ARFGEF2: variants seen among roughly 807,000 people sequenced by gnomAD.
ARFGEF2 encodes ARF guanine nucleotide exchange factor 2.
ARFGEF2 carries 74 observed loss-of-function variants against 219.9 expected under a neutral mutation model. The ratio of observed to expected loss-of-function variants is 0.34; its 90% confidence interval spans 0.28 to 0.41. ARFGEF2 has a LOEUF of 0.41. Among genes scored for constraint, ARFGEF2 ranks in the 10% least tolerant of loss-of-function variants. The pLI, the probability that ARFGEF2 is intolerant of heterozygous loss-of-function variation, is 1.00. For missense variants in ARFGEF2, 1,743 were observed against 2,218.3 expected (o/e 0.79, Z 4.30); for synonymous variants, 733 against 799.2 (o/e 0.92, Z 1.40).
chr20:49,024,594 T>G (rs1307739431), intron 35 of ARFGEF2, among the ~76,000 whole-genome samples: 1 of 152,194 alleles, frequency 6.6e-6, no homozygotes. Flanking sequence ...GTAATGTAAA[T>G]TTTATTACTG....
chr20:49,013,583 G>A lies in ARFGEF2; in HGVS notation c.3938G>A (p.Ser1313Asn), dbSNP rs1197127784. ...TCCTAGGTGCTACAAGAATACACAA[G>A]TGATGACATGAATGTAGCTCCTGGT... ...ERPRVLQEYT[S>N]DDMNVAPGDR... The change falls in exon 29 of 39, where the codon AGT (serine) becomes AAT (asparagine). Residue 1313 changes from serine to asparagine, a missense_variant. By Grantham distance (46) the Ser-to-Asn change is conservative. Around this residue, in one of 5 missense-constraint regions of ARFGEF2, gnomAD observed 578 missense variants for 664.0 expected, o/e 0.87. Transcript: ENST00000371917. The A allele has an allele frequency of 3.1e-6, 5 of 1,614,072 alleles. No homozygotes were observed. In the African/African-American group the frequency reaches 5.3e-5, roughly 17 times the overall value.
chr20:49,002,366 G>C (rs561479059), intron 25 of ARFGEF2, among the ~76,000 whole-genome samples: 1 of 152,268 alleles, frequency 6.6e-6, no homozygotes, highest in East Asian at 1.9e-4. Context: ...TTTTCATCTT[G>C]CAAAACTAAA....
chr20:48,935,616 T>A (rs1446283686), intron 1 of ARFGEF2, among the ~76,000 whole-genome samples: 1 of 152,212 alleles, frequency 6.6e-6, no homozygotes, highest in Non-Finnish European at 1.5e-5. Flanking sequence ...GGGTACACCT[T>A]GCAGACGGGG....
chr20:48,935,887 A>G (rs1431027997), intron 1 of ARFGEF2, among the ~76,000 whole-genome samples: 5 of 89,258 alleles, frequency 5.6e-5, no homozygotes, highest in African/African-American at 2.7e-4. Flanking sequence ...ACTTCCCAGT[A>G]GGGGCGGCCG....
At position 49,018,981 on chromosome 20, in the gene ARFGEF2, A is replaced by G; in HGVS notation, c.4607A>G (p.Lys1536Arg). The G allele has an allele frequency of 6.2e-7, 1 of 1,613,896 alleles. No individual in the cohort carries two copies. The highest frequency in any genetic ancestry group is 8.5e-7 in the Non-Finnish European group (1 of 1,179,804). Residue 1536 changes from lysine (K) to arginine (R), a missense_variant, in exon 34 of 39, where the codon AAG (lysine) becomes AGG (arginine). Lys to Arg is a conservative substitution (Grantham distance 26, BLOSUM62 2). This residue lies in a region of ARFGEF2 where 578 missense variants were observed against 664.0 expected (regional missense o/e 0.87). Coordinates refer to ENST00000371917, the MANE Select transcript of ARFGEF2 (RefSeq NM_006420.3). ...TCTAACCCAACAGATGACAGCTGGA[A>G]GGGTAGACCATACGCAAGTAAGGCC... is the stretch of plus-strand genomic sequence containing the variant. ...QLSNPTDDSW[K>R]GRPYANQKLF...
intron 14 of ARFGEF2, among the ~76,000 whole-genome samples, chr20:48,977,152 C>A (rs1056558665): frequency 5.3e-5 from 8 of 151,654 alleles, no homozygotes; most frequent in African/African-American, 1.7e-4. Flanking sequence ...AGCAGGCCCC[C>A]CTGTGTGTGA....
chr20:48,952,966 G>A (rs2091080675), intron 5 of ARFGEF2, 82 bp downstream of exon 5: 2 of 1,432,594 alleles, frequency 1.4e-6, no homozygotes, highest in Non-Finnish European at 2.0e-6. Context: ...TGCCTGTGAA[G>A]AATCACTAGC....
rs555872321 is a variant in ARFGEF2, at chr20:48,989,776, A to C, written c.2814+92A>C. The C allele has an allele frequency of 2.5e-6, 4 of 1,575,528 alleles. No individual in the cohort carries two copies. The South Asian group carries it at 4.5e-5, about 18-fold the overall frequency. On this transcript the variant is annotated intron_variant, in intron 20 of 38. Coordinates refer to ENST00000371917, the MANE Select transcript of ARFGEF2 (RefSeq NM_006420.3). ...TAGAAATTATCAGAAATTTTCAGTT[A>C]ATCAAGACTCTTAGCAAGCTACTTA...
At chr20:48,969,353 T>C (rs951408785) in intron 9 of ARFGEF2, 76 bp downstream of exon 9, 34 of 1,611,392 alleles carry the variant, frequency 2.1e-5, no homozygotes, top group Non-Finnish European at 2.5e-5. Flanking sequence ...CACACTTCCC[T>C]TGTTCCAAGA....
chr20:48,990,372 A>G (rs1021920485), intron 20 of ARFGEF2, among the ~76,000 whole-genome samples: 2 of 152,230 alleles, frequency 1.3e-5, no homozygotes, highest in Non-Finnish European at 2.9e-5. Context: ...GTTCAATGCA[A>G]TATGAATATG....
Position 48,940,104 on chromosome 20 carries a change from C to T in ARFGEF2, c.122-1095C>T, listed in dbSNP as rs562241928. Among the ~76,000 whole-genome samples, 27 of 152,222 alleles carry T rather than the reference C, an allele frequency of 1.8e-4. 2 individuals are homozygous for T. The highest frequency in any genetic ancestry group is 6.3e-4 in the African/African-American group (26 of 41,526). ...AGGGTGTTTTGTTGTTTTAATGGTACGAAACCTTGTTTTCCTGGAAATAAC... is the reference window on the plus strand; with the variant it reads ...AGGGTGTTTTGTTGTTTTAATGGTATGAAACCTTGTTTTCCTGGAAATAAC... On this transcript the variant is annotated intron_variant, in intron 1 of 38. Coordinates refer to ENST00000371917, the MANE Select transcript of ARFGEF2 (RefSeq NM_006420.3).
rs1317204924 is a variant in ARFGEF2 at position 49,033,771 on chromosome 20, G to A, written c.*572G>A. ...GTTTTTGTGTTTTGTTAATGTCTGA[G>A]TGATTTTTAAAGTATTTTACAAAAA... On this transcript the variant is annotated 3_prime_UTR_variant, in exon 39 of 39. Transcript: ENST00000371917. 1 of 152,702 alleles carries A rather than the reference G, an allele frequency of 6.5e-6. No homozygotes were observed. Among genetic ancestry groups the A allele is most frequent in the East Asian group, 1.9e-4 (1 of 5,190 alleles). The allele number at this position is 152,702 out of a possible 1,614,324, so 9.5% of individuals were successfully genotyped here.
chr20:48,967,700 G>C (rs2091196843), intron 8 of ARFGEF2, among the ~76,000 whole-genome samples: 1 of 152,168 alleles, frequency 6.6e-6, no homozygotes, highest in African/African-American at 2.4e-5. Flanking sequence ...TCAGTCTTCT[G>C]GGAAGGTACT....
At chr20:48,986,002 G>T (rs958678589) in intron 16 of ARFGEF2, among the ~76,000 whole-genome samples, 1 of 152,048 alleles carries the variant, frequency 6.6e-6, no homozygotes, top group Admixed American at 6.6e-5. Context: ...TTCTTTAATT[G>T]CATACTGATG....
chr20:48,956,228 A>G (rs189853374), intron 6 of ARFGEF2, among the ~76,000 whole-genome samples: 6 of 152,332 alleles, frequency 3.9e-5, no homozygotes, highest in African/African-American at 1.2e-4. Flanking sequence ...TCACATGGCC[A>G]ACCCTAACTG....
rs2123451537 is a variant in ARFGEF2, at chr20:48,984,830, G to A, written c.2060G>A (p.Arg687His). 6.2e-7 allele frequency: 1 copy of A among 1,612,590 alleles called. No homozygotes were observed. Among genetic ancestry groups the A allele is most frequent in the Non-Finnish European group, 8.5e-7 (1 of 1,180,022 alleles). Residue 687 changes from arginine to histidine, a missense_variant, in exon 15 of 39, where the codon CGC becomes CAC. By Grantham distance (29) the Arg-to-His change is conservative. Transcript: ENST00000371917. ...DIAQFLHQEE[R>H]LDSTQVGDFL... ...GCCCAATTCCTGCACCAGGAGGAGCGCCTGGATTCCGTAAGGCTTGGGGGT... is the reference window on the plus strand; with the variant it reads ...GCCCAATTCCTGCACCAGGAGGAGCACCTGGATTCCGTAAGGCTTGGGGGT...
intron 26 of ARFGEF2, among the ~76,000 whole-genome samples, chr20:49,006,245 G>A (rs746158020): frequency 1.5e-4 from 23 of 152,066 alleles, no homozygotes; most frequent in Non-Finnish European, 2.8e-4. Flanking sequence ...AGTGAGCCAA[G>A]ATCACACCAT....
At chr20:48,950,794 TAAA>T (rs1308938052) in intron 3 of ARFGEF2, among the ~76,000 whole-genome samples, 28 of 35,924 alleles carry the variant, frequency 7.8e-4, no homozygotes, top group African/African-American at 1.2e-3. Context: ...AGACCCTGTC[TAAA>T]AAAAAAAAAA....
At chr20:48,999,513 C>T (rs1174747324) in intron 25 of ARFGEF2, among the ~76,000 whole-genome samples, 2 of 152,244 alleles carry the variant, frequency 1.3e-5, no homozygotes, top group East Asian at 3.9e-4. Flanking sequence ...CTTTGGGAGG[C>T]TGAGGCAGGT....
Sources: allele counts gnomAD v4.1 joint callset (sites outside exome capture counted in the v4.1 genomes callset), GRCh38; gene constraint gnomAD v4.1.1; regional missense constraint gnomAD v4.1.1; transcripts MANE v1.5; gene names NCBI Gene and HGNC (gene_info 2026-07-23, HGNC 2026-07-21).